PDE4D: variants seen among roughly 807,000 people sequenced by gnomAD.
PDE4D encodes phosphodiesterase 4D, also known as 3',5'-cyclic-AMP phosphodiesterase 4D.
In PDE4D, 24 loss-of-function variants were observed where a neutral mutation model predicts 87.4. The observed-to-expected ratio is 0.27, with a 90% CI of 0.20 to 0.39. The LOEUF is 0.39. Among genes scored for constraint, PDE4D ranks in the 10% least tolerant of loss-of-function variants. The pLI, the probability that PDE4D is intolerant of heterozygous loss-of-function variation, is 1.00. For missense variants in PDE4D, 714 were observed against 1,041.0 expected, an observed-to-expected ratio of 0.69 and a Z score of 4.32; for synonymous variants, 384 against 383.2, an observed-to-expected ratio of 1.00 and a Z score of -0.02.
At chr5:59,073,880 C>T (rs1463650462) in intron 5 of PDE4D, among the ~76,000 whole-genome samples, 1 of 152,126 alleles carries the variant, frequency 6.6e-6, no homozygotes, top group Non-Finnish European at 1.5e-5. Context: ...ATACTTAGAG[C>T]TGCTGTAGTC....
intron 1 of PDE4D, among the ~76,000 whole-genome samples, chr5:60,470,646 C>A (rs1747746410): frequency 6.6e-6 from 1 of 152,118 alleles, no homozygotes; most frequent in Non-Finnish European, 1.5e-5. Context: ...TTCCAAAAAT[C>A]CTTAAGCCCT....
At chr5:59,733,172 T>C (rs1757619397) in intron 1 of PDE4D, among the ~76,000 whole-genome samples, 1 of 152,104 alleles carries the variant, frequency 6.6e-6, no homozygotes, top group Non-Finnish European at 1.5e-5. Context: ...GAGTTTGAAA[T>C]AATAATTGGG....
Position 59,833,681 on chromosome 5 carries a change from G to A in PDE4D, c.455+59487C>T, listed in dbSNP as rs1440865480. Among the ~76,000 whole-genome samples, 6 of 151,930 alleles carry A rather than the reference G, an allele frequency of 3.9e-5. No homozygotes were observed. The East Asian group carries it at 9.7e-4, about 25-fold the overall frequency. Reference sequence around the variant, plus strand: ...TCAGATTCCATTGGTCGGTCAGGGTGGTGATGTGTGTGGTATGTGTGGTGT... The same window carrying A: ...TCAGATTCCATTGGTCGGTCAGGGTAGTGATGTGTGTGGTATGTGTGGTGT... On this transcript the variant is annotated intron_variant, in intron 1 of 14. Coordinates refer to ENST00000340635, the MANE Select transcript of PDE4D (RefSeq NM_001104631.2).
chr5:59,718,821 T>C (rs1170557316), intron 1 of PDE4D, among the ~76,000 whole-genome samples: 7 of 152,160 alleles, frequency 4.6e-5, no homozygotes, highest in Admixed American at 3.3e-4. Context: ...AGATTGAAAA[T>C]GTCTTTCAGA....
chr5:60,332,186 T>A (rs1032683555), intron 1 of PDE4D, among the ~76,000 whole-genome samples: 1 of 152,230 alleles, frequency 6.6e-6, no homozygotes, highest in Non-Finnish European at 1.5e-5. Context: ...TTTTAAAATT[T>A]AAATTTAAAG....
chr5:59,882,272 A>T (rs1749534210), intron 1 of PDE4D, among the ~76,000 whole-genome samples: 1 of 152,220 alleles, frequency 6.6e-6, no homozygotes. Flanking sequence ...ATTTCTGGAC[A>T]GTAGAGACCC....
chr5:59,927,454 T>G (rs1207804846), intron 3 of PDE4D, among the ~76,000 whole-genome samples: 2 of 152,234 alleles, frequency 1.3e-5, no homozygotes, highest in African/African-American at 2.4e-5. Flanking sequence ...AATACCCATG[T>G]GGATATATTT....
intron 1 of PDE4D, among the ~76,000 whole-genome samples, chr5:59,547,285 T>G (rs1177858723): frequency 6.6e-6 from 1 of 152,134 alleles, no homozygotes; most frequent in East Asian, 1.9e-4. Context: ...ATCTATGAAC[T>G]TCTATCAGTT....
intron 1 of PDE4D, among the ~76,000 whole-genome samples, chr5:59,734,955 TTACA>T (rs1757880207): frequency 6.6e-6 from 1 of 152,162 alleles, no homozygotes; most frequent in South Asian, 2.1e-4. Flanking sequence ...TTAATAGGAA[TTACA>T]TACTTTCACA....
At chr5:60,363,024 C>A (rs1760211203) in intron 1 of PDE4D, among the ~76,000 whole-genome samples, 1 of 152,116 alleles carries the variant, frequency 6.6e-6, no homozygotes, top group South Asian at 2.1e-4. Context: ...TCACCGGTTG[C>A]TTATCACCTT....
chr5:59,206,259 A>G (rs573391041), intron 2 of PDE4D, among the ~76,000 whole-genome samples: 1 of 152,298 alleles, frequency 6.6e-6, no homozygotes, highest in South Asian at 2.1e-4. Context: ...AGTGGTTGAT[A>G]TTCCTTACTT....
intron 1 of PDE4D, among the ~76,000 whole-genome samples, chr5:60,449,071 G>GCACA (rs35440197): frequency 0.061 from 5,781 of 94,958 alleles, 206 homozygotes; most frequent in East Asian, 0.19. Context: ...AACTGCCCGC[G>GCACA]CACACACACA....
At chr5:59,217,973 A>G (rs1033493017) in intron 1 of PDE4D, 1 of 479,686 alleles carries the variant, frequency 2.1e-6, no homozygotes, top group African/African-American at 2.0e-5. Flanking sequence ...TACAAAAATA[A>G]AGGATGAATG....
chr5:59,177,049 AC>A (rs1784014505), intron 5 of PDE4D, among the ~76,000 whole-genome samples: 1 of 151,678 alleles, frequency 6.6e-6, no homozygotes, highest in South Asian at 2.1e-4. Context: ...TCTTTCCATT[AC>A]CCCCTTGTTA....
Position 58,975,915 on chromosome 5 carries a change from T to A in PDE4D, c.1831-76A>T. Reference sequence around the variant, plus strand: ...AAAAAAAACAAAAAAAACTAGAAATTCACATTGGATGACTGCAACACTTAA... The same window carrying A: ...AAAAAAAACAAAAAAAACTAGAAATACACATTGGATGACTGCAACACTTAA... On this transcript the variant is annotated intron_variant, in intron 13 of 14. Transcript: ENST00000340635. This position sits in a 1 kb window ranked among gnomAD's most constrained non-coding sequence, Gnocchi z 4.2. 2 of 1,086,214 alleles carry A rather than the reference T, an allele frequency of 1.8e-6. No homozygotes were observed. The highest frequency in any genetic ancestry group is 4.6e-5 in the South Asian group (2 of 43,548). The allele number at this position is 1,086,214 out of a possible 1,614,324, so 67.3% of individuals were successfully genotyped here. A position where few individuals can be genotyped will look rare whatever the true frequency, so the allele number is the denominator to read the frequency against.
chr5:59,206,178 T>C (rs1258935657), intron 2 of PDE4D, among the ~76,000 whole-genome samples: 2 of 152,176 alleles, frequency 1.3e-5, no homozygotes, highest in East Asian at 1.9e-4. Context: ...GACGGAATAA[T>C]TGGGGTTGTT....
At chr5:58,981,962 T>A (rs1745269308) in intron 11 of PDE4D, among the ~76,000 whole-genome samples, 1 of 152,192 alleles carries the variant, frequency 6.6e-6, no homozygotes, top group Admixed American at 6.5e-5. Context: ...GTCAACACTG[T>A]AATGCCCTTC....
At position 58,973,224 on chromosome 5, in the gene PDE4D, A is replaced by G. The variant is rs1339736993; in HGVS notation, c.*1440T>C. 1 of 152,214 alleles carries G rather than the reference A, an allele frequency of 6.6e-6. No homozygotes were observed. Among genetic ancestry groups the G allele is most frequent in the Non-Finnish European group, 1.5e-5 (1 of 68,028 alleles). The allele number at this position is 152,214 out of a possible 1,614,324, so 9.4% of individuals were successfully genotyped here. On this transcript the variant is annotated 3_prime_UTR_variant, in exon 15 of 15. Coordinates refer to ENST00000340635, the MANE Select transcript of PDE4D (RefSeq NM_001104631.2). ...GTTTAACTTTTCTCTGTAAACCAAGAGTAAAAGCTAGTCATGATATACAAC... is the reference window on the plus strand; with the variant it reads ...GTTTAACTTTTCTCTGTAAACCAAGGGTAAAAGCTAGTCATGATATACAAC...
At chr5:59,990,456 T>A (rs1248052075) in intron 2 of PDE4D, among the ~76,000 whole-genome samples, 1 of 152,116 alleles carries the variant, frequency 6.6e-6, no homozygotes, top group Non-Finnish European at 1.5e-5. Context: ...GGATGTGAGA[T>A]GGTGGACTCT....
Sources: allele counts gnomAD v4.1 joint callset (sites outside exome capture counted in the v4.1 genomes callset), GRCh38; gene constraint gnomAD v4.1.1; non-coding constraint Gnocchi (gnomAD v3.1); transcripts MANE v1.5; gene names NCBI Gene and HGNC (gene_info 2026-07-23, HGNC 2026-07-21).